The following PTPRD variants were observed in gnomAD, a reference collection of about 807,000 sequenced individuals.
The protein encoded by PTPRD is receptor-type tyrosine-protein phosphatase delta.
In PTPRD, 34 loss-of-function variants were observed where a neutral mutation model predicts 214.5. The ratio of observed to expected loss-of-function variants is 0.16; its 90% CI spans 0.12 to 0.21. The LOEUF is 0.21. Ranked by LOEUF, PTPRD falls within the 10% of genes least tolerant of loss-of-function variation. The pLI is 1.00. For synonymous variants in PTPRD, 1,128 were observed against 845.7 expected, an observed-to-expected ratio of 1.33 and a Z score of -5.79; for missense variants, 2,545 against 2,398.7, an observed-to-expected ratio of 1.06 and a Z score of -1.27.
At chr9:10,525,311 T>A (rs948483428) in intron 2 of PTPRD, among the ~76,000 whole-genome samples, 5 of 152,058 alleles carry the variant, frequency 3.3e-5, no homozygotes, top group African/African-American at 1.2e-4. Context: ...AGTCTCCCTA[T>A]ATAATGGTTG....
chr9:10,184,503 G>T (rs1023026522), intron 3 of PTPRD, among the ~76,000 whole-genome samples: 5 of 152,058 alleles, frequency 3.3e-5, no homozygotes, highest in African/African-American at 1.2e-4. Context: ...AAGAATTAGG[G>T]TACATGGATC....
chr9:9,682,481 C>T (rs930177535), intron 7 of PTPRD, among the ~76,000 whole-genome samples: 2 of 151,606 alleles, frequency 1.3e-5, no homozygotes, highest in African/African-American at 4.8e-5. Flanking sequence ...TTTGTTGTTG[C>T]CATTGTTTTA....
At chr9:9,982,817 C>A (rs990899292) in intron 4 of PTPRD, among the ~76,000 whole-genome samples, 1 of 151,988 alleles carries the variant, frequency 6.6e-6, no homozygotes, top group Non-Finnish European at 1.5e-5. Flanking sequence ...TTGATTATAG[C>A]TTTCTATTTA....
chr9:8,658,592 G>A (rs2096961621), intron 12 of PTPRD, among the ~76,000 whole-genome samples: 1 of 149,730 alleles, frequency 6.7e-6, no homozygotes, highest in Admixed American at 6.7e-5. Flanking sequence ...CGTATCCTCA[G>A]AGATCCACAA....
Position 10,036,208 on chromosome 9 carries a change from C to T in PTPRD, c.-544-2418G>A, listed in dbSNP as rs145104596. Among the ~76,000 whole-genome samples, 25 of 152,212 alleles carry T rather than the reference C, an allele frequency of 1.6e-4. No individual in the cohort carries two copies. In the East Asian group the frequency reaches 4.5e-3, roughly 27 times the overall value. ...CAGGTTAGGACTGACAGTCTACATA[C>T]ACTAGTGGAATCTCTGCTTTCTCAG... On this transcript the variant is annotated intron_variant, in intron 3 of 45. Coordinates refer to ENST00000381196, the MANE Select transcript of PTPRD (RefSeq NM_002839.4).
At chr9:10,152,238 C>G (rs988980653) in intron 3 of PTPRD, among the ~76,000 whole-genome samples, 5 of 152,108 alleles carry the variant, frequency 3.3e-5, no homozygotes, top group African/African-American at 1.2e-4. Context: ...ATGTGTAGCT[C>G]TCTCATGGTT....
At chr9:10,011,731 T>C (rs2096604214) in intron 4 of PTPRD, among the ~76,000 whole-genome samples, 1 of 152,050 alleles carries the variant, frequency 6.6e-6, no homozygotes, top group Non-Finnish European at 1.5e-5. Flanking sequence ...ATTACAAGTT[T>C]GAGAAGAATT....
At position 8,396,368 on chromosome 9, in the gene PTPRD, G is replaced by A. The variant is rs146307963; in HGVS notation, c.4211-6961C>T. Among the ~76,000 whole-genome samples, 17 of 152,206 alleles carry A rather than the reference G, an allele frequency of 1.1e-4. 1 individual carries two copies. In the East Asian group the frequency reaches 3.3e-3, roughly 29 times the overall value. Reference sequence around the variant, plus strand: ...TACTTTAAGAAAAACTATCAGACAGGATAAAAATAATTCTTTTACAATTTC... The same window carrying A: ...TACTTTAAGAAAAACTATCAGACAGAATAAAAATAATTCTTTTACAATTTC... On this transcript the variant is annotated intron_variant, in intron 36 of 45. Transcript: ENST00000381196.
intron 11 of PTPRD, among the ~76,000 whole-genome samples, chr9:8,934,153 C>T (rs1279612192): frequency 6.6e-6 from 1 of 150,530 alleles, no homozygotes; most frequent in Non-Finnish European, 1.5e-5. Flanking sequence ...GAATTGGTAA[C>T]AAATAAACAC....
chr9:8,565,198 G>A (rs1413532503), intron 14 of PTPRD, among the ~76,000 whole-genome samples: 1 of 152,078 alleles, frequency 6.6e-6, no homozygotes, highest in African/African-American at 2.4e-5. Context: ...GGGAGGAAGT[G>A]TGGAAAGGGG....
intron 7 of PTPRD, among the ~76,000 whole-genome samples, chr9:9,692,384 G>A (rs1172852523): frequency 6.6e-6 from 1 of 152,126 alleles, no homozygotes; most frequent in East Asian, 1.9e-4. Flanking sequence ...TGAAGAGACT[G>A]TCTTTTCCCT....
intron 11 of PTPRD, among the ~76,000 whole-genome samples, chr9:8,746,634 G>A (rs1385665017): frequency 2.0e-5 from 3 of 152,120 alleles, no homozygotes; most frequent in African/African-American, 7.2e-5. Flanking sequence ...GAAACCAATT[G>A]TTATCTTAAA....
chr9:8,931,199 C>T (rs1383503418), intron 11 of PTPRD, among the ~76,000 whole-genome samples: 9 of 151,876 alleles, frequency 5.9e-5, no homozygotes, highest in Non-Finnish European at 1.2e-4. Context: ...GTTTTCCCAG[C>T]ACCATTTGTT....
intron 9 of PTPRD, among the ~76,000 whole-genome samples, chr9:9,227,027 A>C (rs1447914369): frequency 6.6e-6 from 1 of 152,072 alleles, no homozygotes; most frequent in Non-Finnish European, 1.5e-5. Context: ...TTTTTTCTAA[A>C]GTGCATTATC....
intron 2 of PTPRD, among the ~76,000 whole-genome samples, chr9:10,494,878 T>C (rs1395198686): frequency 6.6e-6 from 1 of 151,684 alleles, no homozygotes; most frequent in African/African-American, 2.4e-5. Flanking sequence ...GCATATAATG[T>C]ATTGTAAAAA....
rs183990811 is a variant in PTPRD at position 9,255,552 on chromosome 9, T to G, written c.-202-72189A>C. Among the ~76,000 whole-genome samples the G allele has an allele frequency of 3.9e-4, 59 of 152,184 alleles. 2 individuals are homozygous for G. Among genetic ancestry groups the G allele is most frequent in the Admixed American group, 3.5e-3 (54 of 15,276 alleles). On this transcript the variant is annotated intron_variant, in intron 9 of 45. Transcript: ENST00000381196. ...GAGAATGTATGTAACATTGGGCAACTCTCTCTGCCTTTTAAGTGATTACAT... is the reference window on the plus strand; with the variant it reads ...GAGAATGTATGTAACATTGGGCAACGCTCTCTGCCTTTTAAGTGATTACAT...
rs2152511 is a variant in PTPRD, at chr9:10,483,474, G to A, written c.-600+128924C>T. ...TTTCTGTACAGCAAAAGAAATAATC[G>A]TCAGGGTAAAGAGAGAATCTACAGA... On this transcript the variant is annotated intron_variant, in intron 2 of 45. Coordinates refer to ENST00000381196, the MANE Select transcript of PTPRD (RefSeq NM_002839.4). 1.7e-3 allele frequency among the ~76,000 whole-genome samples: 256 copies of A among 151,672 alleles called. 4 individuals carry two copies. Among genetic ancestry groups the A allele is most frequent in the African/African-American group, 5.9e-3 (243 of 41,372 alleles).
intron 9 of PTPRD, among the ~76,000 whole-genome samples, chr9:9,238,189 A>C (rs1178910332): frequency 1.3e-5 from 2 of 152,030 alleles, no homozygotes; most frequent in Non-Finnish European, 2.9e-5. Context: ...TTCTGCATGT[A>C]GCCCTGAGAG....
intron 11 of PTPRD, among the ~76,000 whole-genome samples, chr9:8,901,094 T>C (rs999457934): frequency 2.6e-5 from 4 of 152,154 alleles, no homozygotes; most frequent in Admixed American, 2.0e-4. Flanking sequence ...GAACAGTTAC[T>C]AAGAAAGGGC....
Sources: gnomAD v4.1 joint callset for allele counts (sites outside exome capture counted in the v4.1 genomes callset) on GRCh38, gnomAD v4.1.1 for gene constraint, MANE v1.5 for transcripts, NCBI Gene and HGNC (gene_info 2026-07-23, HGNC 2026-07-21) for gene names.